Variants in STAC observed in about 807,000 individuals in gnomAD.
STAC encodes SH3 and cysteine rich domain.
STAC carries 43 observed loss-of-function variants against 48.8 expected under a neutral mutation model. The ratio of observed to expected loss-of-function variants is 0.88; its 90% CI spans 0.69 to 1.14. STAC has a LOEUF of 1.14. Among genes scored for constraint, STAC ranks in the 50% most tolerant of loss-of-function variants. The pLI is 0.00. For synonymous variants in STAC, 193 were observed against 179.5 expected, an observed-to-expected ratio of 1.07 and a Z score of -0.60; for missense variants, 497 against 504.0, an observed-to-expected ratio of 0.99 and a Z score of 0.13.
chr3:36,510,696 G>A (rs9827528), intron 8 of STAC, among the ~76,000 whole-genome samples: 45,547 of 151,928 alleles, frequency 0.3, 7,407 homozygotes, highest in Middle Eastern at 0.41. Flanking sequence ...TCTCAGCAAA[G>A]TAACACAAGA....
intron 1 of STAC, among the ~76,000 whole-genome samples, chr3:36,398,471 GGAA>G (rs1699921278): frequency 1.3e-4 from 11 of 86,620 alleles, no homozygotes; most frequent in Admixed American, 1.1e-3. Flanking sequence ...AAGGAAGGAA[GGAA>G]GGAGGGAAGG....
At chr3:36,430,094 T>C (rs545304778) in intron 1 of STAC, among the ~76,000 whole-genome samples, 1 of 152,296 alleles carries the variant, frequency 6.6e-6, no homozygotes, top group South Asian at 2.1e-4. Flanking sequence ...TCATCTGTCA[T>C]TTTCTTCCCA....
chr3:36,493,921 C>T (rs559281989), intron 6 of STAC, among the ~76,000 whole-genome samples: 3 of 151,718 alleles, frequency 2.0e-5, no homozygotes, highest in African/African-American at 4.8e-5. Context: ...GAGGCCGAGG[C>T]GGGCGGATCA....
intron 2 of STAC, among the ~76,000 whole-genome samples, chr3:36,448,411 G>A (rs1284680691): frequency 2.0e-5 from 3 of 151,954 alleles, no homozygotes; most frequent in African/African-American, 7.2e-5. Flanking sequence ...TAGTAGAGAC[G>A]GGGTTTCGCA....
Position 36,388,601 on chromosome 3 carries a change from C to T in STAC, c.111+7847C>T, listed in dbSNP as rs143778581. ...ATAACCTGTATCATTTCTCTAGATC[C>T]TCAATATGTACTTTTTGCTTTTATC... On this transcript the variant is annotated intron_variant, in intron 1 of 10. Coordinates refer to ENST00000273183, the MANE Select transcript of STAC (RefSeq NM_003149.3). Among the ~76,000 whole-genome samples, 192 of 152,068 alleles carry T rather than the reference C, an allele frequency of 1.3e-3. 1 individual carries two copies. Among genetic ancestry groups the T allele is most frequent in the Admixed American group, 3.4e-3 (52 of 15,284 alleles).
intron 1 of STAC, among the ~76,000 whole-genome samples, chr3:36,420,409 T>C (rs1197317210): frequency 6.6e-6 from 1 of 152,206 alleles, no homozygotes; most frequent in Non-Finnish European, 1.5e-5. Context: ...CCCCAACCCC[T>C]GGGCCACGGA....
chr3:36,418,243 C>T (rs918001465), intron 1 of STAC, among the ~76,000 whole-genome samples: 5 of 152,056 alleles, frequency 3.3e-5, no homozygotes, highest in African/African-American at 1.2e-4. Context: ...TCCTTTGTAA[C>T]AATGAACTCT....
rs529677528 is a variant in STAC at position 36,496,201 on chromosome 3, G to T, written c.766+2972G>T. On this transcript the variant is annotated intron_variant, in intron 6 of 10. Transcript: ENST00000273183. ...TTGGAGATGTATTAACAACTCTTTT[G>T]ATCAGCAATAGCTTTCTCTACAATG... is the stretch of plus-strand genomic sequence containing the variant. Among the ~76,000 whole-genome samples the T allele has an allele frequency of 1.8e-4, 27 of 152,322 alleles. No individual in the cohort carries two copies. The South Asian group carries it at 5.6e-3, about 32-fold the overall frequency.
At chr3:36,537,052 T>C (rs1291051870) in intron 10 of STAC, among the ~76,000 whole-genome samples, 1 of 152,138 alleles carries the variant, frequency 6.6e-6, no homozygotes, top group Non-Finnish European at 1.5e-5. Flanking sequence ...AAACAGCAGA[T>C]GCTGATGAGG....
Position 36,443,621 on chromosome 3 carries a change from C to G in STAC, c.369C>G (p.Val123=). 5.6e-6 allele frequency: 9 copies of G among 1,612,790 alleles called. No homozygotes were observed. The highest frequency in any genetic ancestry group is 7.6e-6 in the Non-Finnish European group (9 of 1,180,030). The part of the protein sequence containing the change: ...YIFKKPTFCD[V]CNHMIVGTNA... ...TCAAGAAGCCCACTTTCTGTGATGT[C>G]TGCAACCACATGATAGTGGGTAAGG... Residue 123 remains valine, a synonymous_variant, in exon 2 of 11, where the codon GTC becomes GTG. Coordinates refer to ENST00000273183, the MANE Select transcript of STAC (RefSeq NM_003149.3). This position sits in a 1 kb window ranked among gnomAD's most constrained non-coding sequence, Gnocchi z 4.2.
chr3:36,400,316 C>T lies in STAC; in HGVS notation c.111+19562C>T, dbSNP rs190619590. Among the ~76,000 whole-genome samples, 6 of 152,260 alleles carry T rather than the reference C, an allele frequency of 3.9e-5. No homozygotes were observed. In the East Asian group the frequency reaches 7.7e-4, roughly 20 times the overall value. ...CTACTGTCAAATGGTCATTTGTCCA[C>T]GTGTTATATAACTATTCGAGAGCCT... On this transcript the variant is annotated intron_variant, in intron 1 of 10. Transcript: ENST00000273183.
chr3:36,425,425 T>G (rs1700541050), intron 1 of STAC, among the ~76,000 whole-genome samples: 1 of 152,206 alleles, frequency 6.6e-6, no homozygotes, highest in South Asian at 2.1e-4. Flanking sequence ...AAAGTAAGAC[T>G]GACCGAGGAC....
intron 1 of STAC, 106 bp downstream of exon 1, chr3:36,380,860 T>A: frequency 1.4e-6 from 1 of 724,618 alleles, no homozygotes; most frequent in Non-Finnish European, 2.2e-6. Context: ...GTCTGAGACT[T>A]GCTAGTTAGC....
intron 1 of STAC, among the ~76,000 whole-genome samples, chr3:36,408,958 C>A (rs903463484): frequency 6.6e-6 from 1 of 152,092 alleles, no homozygotes; most frequent in African/African-American, 2.4e-5. Context: ...CAGAGCACAG[C>A]AAAATTATGC....
At chr3:36,395,236 C>A (rs1699834160) in intron 1 of STAC, among the ~76,000 whole-genome samples, 1 of 152,058 alleles carries the variant, frequency 6.6e-6, no homozygotes, top group Non-Finnish European at 1.5e-5. Flanking sequence ...AGATGAAGGT[C>A]TTGGAAACTG....
In STAC at chr3:36,504,474, C is replaced by A. The variant is rs1465129896; in HGVS notation, c.831+17C>A. On this transcript the variant is annotated intron_variant, in intron 7 of 10. Transcript: ENST00000273183. ...AACCACCAGGTATTTATGGATGTCA[C>A]AGAAGACAAGTCAGACAGGAGTCCT... The A allele has an allele frequency of 6.2e-7, 1 of 1,612,806 alleles. No homozygotes were observed. The highest frequency in any genetic ancestry group is 1.7e-5 in the Admixed American group (1 of 59,888).
chr3:36,393,859 C>G (rs1248256928), intron 1 of STAC, among the ~76,000 whole-genome samples: 2 of 151,792 alleles, frequency 1.3e-5, no homozygotes, highest in African/African-American at 4.8e-5. Flanking sequence ...TACAACAGCT[C>G]AAACTCTCTA....
intron 1 of STAC, among the ~76,000 whole-genome samples, chr3:36,404,300 A>G (rs935453661): frequency 3.9e-5 from 6 of 152,214 alleles, no homozygotes; most frequent in African/African-American, 1.4e-4. Context: ...TGACAAATTC[A>G]GTCTACCATT....
intron 2 of STAC, among the ~76,000 whole-genome samples, chr3:36,474,097 T>A (rs1697423534): frequency 6.6e-6 from 1 of 152,160 alleles, no homozygotes; most frequent in African/African-American, 2.4e-5. Context: ...CTGTAGTATA[T>A]ATAGTGGGCT....
Sources: allele counts gnomAD v4.1 joint callset (sites outside exome capture counted in the v4.1 genomes callset), GRCh38; gene constraint gnomAD v4.1.1; non-coding constraint Gnocchi (gnomAD v3.1); transcripts MANE v1.5; gene names NCBI Gene and HGNC (gene_info 2026-07-23, HGNC 2026-07-21).